LPA: variants seen among roughly 807,000 people sequenced by gnomAD.
LPA encodes lipoprotein(a), also known as apolipoprotein(a).
LPA carries 199 observed loss-of-function variants against 197.9 expected under a neutral mutation model. The ratio of observed to expected loss-of-function variants is 1.01; its 90% confidence interval spans 0.90 to 1.13. LPA has a LOEUF of 1.13. Among genes scored for constraint, LPA ranks in the 50% most tolerant of loss-of-function variants. The pLI is 0.00. For missense variants in LPA, 1,853 were observed against 1,785.8 expected, an observed-to-expected ratio of 1.04 and a Z score of -0.68; for synonymous variants, 715 against 639.5, an observed-to-expected ratio of 1.12 and a Z score of -1.78.
At chr6:160,650,671 G>T (rs1463684196) in intron 1 of LPA, among the ~76,000 whole-genome samples, 174 bp from the exon 2 acceptor site, 3 of 152,176 alleles carry the variant, frequency 2.0e-5, no homozygotes, top group Non-Finnish European at 4.4e-5. Context: ...TATCATTCTA[G>T]AACTTTATTT....
intron 36 of LPA, among the ~76,000 whole-genome samples, chr6:160,539,650 A>G (rs990734222): frequency 6.6e-6 from 1 of 152,098 alleles, no homozygotes. Context: ...CACACTAAGC[A>G]TGGCTCGATA....
At chr6:160,550,874 C>G (rs1270732097) in intron 30 of LPA, among the ~76,000 whole-genome samples, 1 of 152,136 alleles carries the variant, frequency 6.6e-6, no homozygotes. Flanking sequence ...AAAACATGCT[C>G]CCTTTTATTG....
chr6:160,565,360 T>C (rs918192608), intron 28 of LPA, among the ~76,000 whole-genome samples: 2 of 152,146 alleles, frequency 1.3e-5, no homozygotes, highest in African/African-American at 4.8e-5. Flanking sequence ...CATTTGCTGT[T>C]CTGTAATATT....
At position 160,606,441 on chromosome 6, in the gene LPA, T is replaced by C. The variant is rs751099465; in HGVS notation, c.2785+36A>G. 6 of 1,609,848 alleles carry C rather than the reference T, an allele frequency of 3.7e-6. No individual in the cohort carries two copies. In the East Asian group the frequency reaches 8.9e-5, roughly 24 times the overall value. ...ATTTCCATGGCTTTTCATCCCAGCA[T>C]CGAAACGTGTAGGTTTCTGGCCACA... On this transcript the variant is annotated intron_variant, in intron 17 of 38. Transcript: ENST00000316300.
chr6:160,647,879 A>G (rs1168130419), intron 2 of LPA, among the ~76,000 whole-genome samples: 3 of 152,236 alleles, frequency 2.0e-5, no homozygotes, highest in Non-Finnish European at 4.4e-5. Context: ...GAAAACATGT[A>G]GCATTTTCAT....
Position 160,531,778 on chromosome 6 carries a change from C to G in LPA, c.6074G>C (p.Arg2025Pro). 6.2e-7 allele frequency: 1 copy of G among 1,614,094 alleles called. No individual in the cohort carries two copies. The highest frequency in any genetic ancestry group is 8.5e-7 in the Non-Finnish European group (1 of 1,179,996). Reference sequence around the variant, plus strand: ...AATCCAAGTAACAAACCTTGAAACACGAGCATAGACACCAGGCTTATTGGG... The same window carrying G: ...AATCCAAGTAACAAACCTTGAAACAGGAGCATAGACACCAGGCTTATTGGG... ...ARPNKPGVYARVSRFVTWIEG... is the reference protein window; with the variant it reads ...ARPNKPGVYAPVSRFVTWIEG... Residue 2025 changes from arginine (R) to proline (P), a missense_variant, in exon 39 of 39, where the codon CGT (arginine) becomes CCT (proline). Coordinates refer to ENST00000316300, the MANE Select transcript of LPA (RefSeq NM_005577.4).
intron 27 of LPA, among the ~76,000 whole-genome samples, chr6:160,578,135 AACTGTAG>A (rs1223859405): frequency 6.6e-6 from 1 of 152,184 alleles, no homozygotes; most frequent in Non-Finnish European, 1.5e-5. Context: ...AGAAACTGCA[AACTGTAG>A]ATTGCAATGA....
chr6:160,597,083 C>T (rs1583607827), intron 20 of LPA, among the ~76,000 whole-genome samples: 2 of 152,124 alleles, frequency 1.3e-5, no homozygotes, highest in African/African-American at 4.8e-5. Context: ...TGGAGACTTG[C>T]TGGAAGGTCA....
chr6:160,565,843 TG>T (rs1778443163), intron 28 of LPA, among the ~76,000 whole-genome samples: 3 of 152,168 alleles, frequency 2.0e-5, no homozygotes, highest in South Asian at 2.1e-4. Flanking sequence ...AATGATCTAA[TG>T]GAGCTGAAAA....
At chr6:160,597,716 G>C (rs1779160819) in intron 20 of LPA, among the ~76,000 whole-genome samples, 1 of 152,066 alleles carries the variant, frequency 6.6e-6, no homozygotes, top group Non-Finnish European at 1.5e-5. Context: ...CAGCAATGCA[G>C]TTATGATACT....
Position 160,532,093 on chromosome 6 carries a change from T to TG in LPA, c.5962-204dup, listed in dbSNP as rs561732276. ...AAAACCACATCACTTAGTTTTTTCC[T>TG]GGGAAAAAAAATAATCCCTTGTGAA... On this transcript the variant is annotated intron_variant, in intron 38 of 38. Coordinates refer to ENST00000316300, the MANE Select transcript of LPA (RefSeq NM_005577.4). Among the ~76,000 whole-genome samples, 4 of 152,310 alleles carry TG rather than the reference T, an allele frequency of 2.6e-5. No individual in the cohort carries two copies. In the South Asian group the frequency reaches 8.3e-4, roughly 32 times the overall value.
At position 160,606,459 on chromosome 6, in the gene LPA, T is replaced by A; in HGVS notation, c.2785+18A>T. On this transcript the variant is annotated intron_variant, in intron 17 of 38. Coordinates refer to ENST00000316300, the MANE Select transcript of LPA (RefSeq NM_005577.4). ...CCCAGCATCGAAACGTGTAGGTTTCTGGCCACAGGCTCCTTACCTTGTTCA... is the reference window on the plus strand; with the variant it reads ...CCCAGCATCGAAACGTGTAGGTTTCAGGCCACAGGCTCCTTACCTTGTTCA... 6.2e-7 allele frequency: 1 copy of A among 1,613,182 alleles called. No individual in the cohort carries two copies. The highest frequency in any genetic ancestry group is 8.5e-7 in the Non-Finnish European group (1 of 1,179,700).
chr6:160,581,981 C>T (rs903747130), intron 26 of LPA, among the ~76,000 whole-genome samples: 49 of 152,176 alleles, frequency 3.2e-4, no homozygotes, highest in Middle Eastern at 3.4e-3. Flanking sequence ...TGCCAATTCC[C>T]ATATGGTATT....
intron 16 of LPA, among the ~76,000 whole-genome samples, chr6:160,610,071 T>C (rs1779457425): frequency 6.6e-6 from 1 of 152,186 alleles, no homozygotes; most frequent in Non-Finnish European, 1.5e-5. Context: ...CATACTGATA[T>C]GTCAAATTTT....
chr6:160,610,104 T>A (rs1779458256), intron 16 of LPA, among the ~76,000 whole-genome samples: 1 of 152,154 alleles, frequency 6.6e-6, no homozygotes, highest in Admixed American at 6.5e-5. Context: ...ATTATCGATG[T>A]CATTTCTGAG....
chr6:160,656,078 C>A (rs1042373557), intron 1 of LPA, among the ~76,000 whole-genome samples: 2 of 152,194 alleles, frequency 1.3e-5, no homozygotes, highest in Non-Finnish European at 2.9e-5. Flanking sequence ...AGAGCAGCTG[C>A]AATTGGAGTC....
rs373258692 is a variant in LPA, at chr6:160,606,624, G to C, written c.2638C>G (p.Pro880Ala). 79 of 1,613,972 alleles carry C rather than the reference G, an allele frequency of 4.9e-5. 1 individual carries two copies. The highest frequency in any genetic ancestry group is 4.6e-4 in the South Asian group (42 of 91,068). The change falls in exon 17 of 39, where the codon CCT (proline) becomes GCT (alanine). Residue 880 changes from proline to alanine, a missense_variant. Physicochemically the swap from Pro to Ala is conservative, Grantham distance 27 (BLOSUM62 -1). Transcript: ENST00000316300. The part of the protein sequence containing the change: ...LIMNYCRNPD[P>A]VAAPYCYTRD... ...GTATAACAATAAGGGGCTGCCACAG[G>C]ATCTGGATTCCTGCAGTAGTTCATG...
At chr6:160,549,888 G>C (rs559523467) in intron 30 of LPA, among the ~76,000 whole-genome samples, 1 of 152,170 alleles carries the variant, frequency 6.6e-6, no homozygotes, top group African/African-American at 2.4e-5. Flanking sequence ...GATCTGAAAA[G>C]GTCCACCAGC....
intron 22 of LPA, among the ~76,000 whole-genome samples, chr6:160,593,221 G>A (rs1327537729): frequency 6.6e-6 from 1 of 152,108 alleles, no homozygotes; most frequent in Non-Finnish European, 1.5e-5. Flanking sequence ...CTCAAGGAAG[G>A]ATGCCAGGGA....
Sources: allele counts gnomAD v4.1 joint callset (sites outside exome capture counted in the v4.1 genomes callset), GRCh38; gene constraint gnomAD v4.1.1; transcripts MANE v1.5; gene names NCBI Gene and HGNC (gene_info 2026-07-23, HGNC 2026-07-21).